The following KIF15 variants were observed in gnomAD, a reference collection of about 807,000 sequenced individuals.
KIF15 encodes the protein kinesin-like protein KIF15.
In KIF15, 140 loss-of-function variants were observed where a neutral mutation model predicts 190.6. That is an observed-to-expected ratio of 0.73 (90% CI 0.64 to 0.84). The LOEUF is 0.84. Ranked by LOEUF, KIF15 falls within the 40% of genes least tolerant of loss-of-function variation. The pLI, the probability that KIF15 is intolerant of heterozygous loss-of-function variation, is 0.00. For synonymous variants in KIF15, 528 were observed against 551.3 expected, an observed-to-expected ratio of 0.96 and a Z score of 0.59; for missense variants, 1,372 against 1,584.4, an observed-to-expected ratio of 0.87 and a Z score of 2.28.
At chr3:44,776,990 ATTTT>A (rs371067828) in intron 3 of KIF15, among the ~76,000 whole-genome samples, 7 of 116,836 alleles carry the variant, frequency 6.0e-5, no homozygotes, top group South Asian at 2.8e-4. Context: ...AACATCACAG[ATTTT>A]TTTTTTTTTT....
chr3:44,807,490 C>A (rs1212678060), intron 16 of KIF15, among the ~76,000 whole-genome samples: 1 of 152,182 alleles, frequency 6.6e-6, no homozygotes, highest in Admixed American at 6.5e-5. Flanking sequence ...TCCCAAAGTG[C>A]TGGGATTATA....
chr3:44,788,976 A>T (rs1026322704), intron 7 of KIF15, among the ~76,000 whole-genome samples: 2 of 152,202 alleles, frequency 1.3e-5, no homozygotes, highest in Non-Finnish European at 2.9e-5. Flanking sequence ...ATTTCCTCTT[A>T]GTTTTCAAGT....
rs1221611228 is a variant in KIF15 at position 44,848,077 on chromosome 3, A to G, written c.3768+20A>G. On this transcript the variant is annotated intron_variant, in intron 31 of 34. Coordinates refer to ENST00000326047, the MANE Select transcript of KIF15 (RefSeq NM_020242.3). ...GCAAAAGTAAGATTTTTTTTTATGT[A>G]ATAGTTTCTTCTTGTCTGAGCAATG... The G allele has an allele frequency of 4.2e-6, 6 of 1,440,968 alleles. No individual in the cohort carries two copies. Among genetic ancestry groups the G allele is most frequent in the Non-Finnish European group, 5.8e-6 (6 of 1,026,590 alleles). 89.3% of individuals were successfully genotyped at this position (1,440,968 alleles called of 1,614,324 possible).
At chr3:44,822,490 G>A (rs1697398848) in intron 20 of KIF15, among the ~76,000 whole-genome samples, 1 of 152,170 alleles carries the variant, frequency 6.6e-6, no homozygotes, top group Non-Finnish European at 1.5e-5. Flanking sequence ...TCTTGGGGTT[G>A]CTCTTCTCGA....
chr3:44,762,752 T>C (rs952976013), intron 1 of KIF15, among the ~76,000 whole-genome samples: 3 of 152,330 alleles, frequency 2.0e-5, no homozygotes, highest in East Asian at 1.9e-4. Context: ...TGTTGTTTCA[T>C]TAATCTTTTA....
intron 12 of KIF15, 110 bp downstream of exon 12, chr3:44,801,636 G>T: frequency 1.1e-6 from 1 of 946,344 alleles, no homozygotes; most frequent in Non-Finnish European, 1.6e-6. Context: ...ATAAAGTAAT[G>T]GAAGGCTATG....
At chr3:44,848,453 C>CT in intron 31 of KIF15, 68 bp from the exon 32 acceptor site, 1 of 740,674 alleles carries the variant, frequency 1.4e-6, no homozygotes, top group Non-Finnish European at 2.2e-6. Flanking sequence ...TCCTTTCTAT[C>CT]TTTTTTAAGC....
intron 20 of KIF15, among the ~76,000 whole-genome samples, chr3:44,819,008 T>C (rs6790572): frequency 0.019 from 2,833 of 152,332 alleles, 73 homozygotes; most frequent in African/African-American, 0.063. Flanking sequence ...CCATTTCTTC[T>C]AGATTTTCTA....
At chr3:44,807,901 T>A (rs1707589831) in intron 16 of KIF15, among the ~76,000 whole-genome samples, 1 of 152,088 alleles carries the variant, frequency 6.6e-6, no homozygotes, top group Non-Finnish European at 1.5e-5. Flanking sequence ...AATTTAAAAA[T>A]TATTTTTAAA....
chr3:44,851,770 A>T lies in KIF15; in HGVS notation c.3807-17A>T. 6.3e-7 allele frequency: 1 copy of T among 1,595,532 alleles called. No homozygotes were observed. The highest frequency in any genetic ancestry group is 8.6e-7 in the Non-Finnish European group (1 of 1,169,454). ...TGTTTCTTTCAAATACTATAAAGTG[A>T]TAACCTATTCCTACAGCCTAGAAGA... On this transcript the variant is annotated splice_polypyrimidine_tract_variant and intron_variant, in intron 32 of 34. Coordinates refer to ENST00000326047, the MANE Select transcript of KIF15 (RefSeq NM_020242.3).
At chr3:44,837,689 G>A (rs911631644) in intron 26 of KIF15, among the ~76,000 whole-genome samples, 2 of 152,056 alleles carry the variant, frequency 1.3e-5, no homozygotes, top group African/African-American at 2.4e-5. Context: ...AGGATAAGCA[G>A]TATCTGCTCT....
intron 1 of KIF15, among the ~76,000 whole-genome samples, chr3:44,766,794 C>T (rs937085949): frequency 6.9e-6 from 1 of 145,176 alleles, no homozygotes; most frequent in Admixed American, 6.9e-5. Context: ...ATTTTCTTTT[C>T]TTTTCTTTCT....
intron 1 of KIF15, among the ~76,000 whole-genome samples, chr3:44,773,829 T>C (rs1247216151): frequency 6.6e-6 from 1 of 152,234 alleles, no homozygotes; most frequent in African/African-American, 2.4e-5. Flanking sequence ...TCTTGTCGCA[T>C]GACCAGGAAA....
At position 44,761,834 on chromosome 3, in the gene KIF15, C is replaced by T; in HGVS notation, c.-32C>T. 2 of 1,614,104 alleles carry T rather than the reference C, an allele frequency of 1.2e-6. No homozygotes were observed. The highest frequency in any genetic ancestry group is 1.7e-6 in the Non-Finnish European group (2 of 1,179,992). On this transcript the variant is annotated 5_prime_UTR_variant, in exon 1 of 35. Transcript: ENST00000326047. ...AGTCGGGAGGTGGAGGCACCGGCTGCATTGTTTTCGGGATCGAGGGGTGAG... is the reference window on the plus strand; with the variant it reads ...AGTCGGGAGGTGGAGGCACCGGCTGTATTGTTTTCGGGATCGAGGGGTGAG...
At chr3:44,835,755 A>C (rs1246498147) in intron 26 of KIF15, among the ~76,000 whole-genome samples, 3 of 152,242 alleles carry the variant, frequency 2.0e-5, no homozygotes. Context: ...ATTTAGTGTA[A>C]TGGTAAAGGA....
intron 4 of KIF15, among the ~76,000 whole-genome samples, chr3:44,779,140 T>A (rs1198738998): frequency 1.3e-5 from 2 of 152,256 alleles, no homozygotes; most frequent in Non-Finnish European, 2.9e-5. Flanking sequence ...TTGTTCCAGC[T>A]TTGCCCAATG....
intron 20 of KIF15, among the ~76,000 whole-genome samples, chr3:44,823,193 T>C (rs1431942178): frequency 6.6e-6 from 1 of 152,318 alleles, no homozygotes; most frequent in South Asian, 2.1e-4. Context: ...GGGGTTTTGG[T>C]ATGGATGCCC....
intron 15 of KIF15, among the ~76,000 whole-genome samples, chr3:44,805,430 T>C (rs1448058222): frequency 2.0e-5 from 3 of 152,236 alleles, no homozygotes; most frequent in Non-Finnish European, 4.4e-5. Flanking sequence ...AATTTAAATT[T>C]GATAATCAGA....
At chr3:44,813,423 T>A (rs1387113165) in intron 19 of KIF15, among the ~76,000 whole-genome samples, 2 of 146,594 alleles carry the variant, frequency 1.4e-5, no homozygotes, top group African/African-American at 5.5e-5. Flanking sequence ...TTTTTTGTTG[T>A]TTGTTTGTTT....
Sources: gnomAD v4.1 joint callset for allele counts (sites outside exome capture counted in the v4.1 genomes callset) on GRCh38, gnomAD v4.1.1 for gene constraint, MANE v1.5 for transcripts, NCBI Gene and HGNC (gene_info 2026-07-23, HGNC 2026-07-21) for gene names.